Variants in KIF1C observed in about 807,000 individuals in gnomAD.
The protein encoded by KIF1C is kinesin-like protein KIF1C.
A neutral mutation model predicts 126.5 loss-of-function variants in KIF1C; 61 were observed. The ratio of observed to expected loss-of-function variants is 0.48; its 90% CI spans 0.39 to 0.60. KIF1C has a LOEUF of 0.60. KIF1C is among the 20% of genes least tolerant of loss of function. The probability of loss-of-function intolerance (pLI) is 0.00; values close to 1 mark genes in which losing one functional copy is unlikely to be tolerated. For missense variants in KIF1C, 1,315 were observed against 1,489.2 expected (o/e 0.88, Z 1.93); for synonymous variants, 640 against 580.6 (o/e 1.10, Z -1.47).
chr17:5,009,319 A>G (rs1042267845), intron 16 of KIF1C, among the ~76,000 whole-genome samples: 1 of 151,976 alleles, frequency 6.6e-6, no homozygotes, highest in African/African-American at 2.4e-5. Flanking sequence ...AGCTGGGATT[A>G]CAGGCGCACA....
Position 5,002,886 on chromosome 17 carries a change from CCCTG to C in KIF1C, c.720+45_720+48del, listed in dbSNP as rs756345546. ...CCACTCCCCCACCGGATGCAACCTC[CCCTG>C]GCAACAGGGACAGTGACATGGTAGA... is the stretch of plus-strand genomic sequence containing the variant. On this transcript the variant is annotated intron_variant, in intron 8 of 22. Coordinates refer to ENST00000320785, the MANE Select transcript of KIF1C (RefSeq NM_006612.6). The C allele has an allele frequency of 9.4e-6, 14 of 1,481,798 alleles. No homozygotes were observed. The South Asian group carries it at 1.6e-4, about 17-fold the overall frequency. 91.8% of individuals were successfully genotyped at this position (1,481,798 alleles called of 1,614,324 possible).
chr17:5,014,705 T>C (rs1351986728), intron 17 of KIF1C, 38 bp from the exon 18 acceptor site: 1 of 1,482,006 alleles, frequency 6.7e-7, no homozygotes, highest in Non-Finnish European at 9.3e-7. Context: ...GGTTAAAGTC[T>C]GGCACATGCT....
In KIF1C at chr17:5,023,645, C is replaced by T. The variant is rs745563559; in HGVS notation, c.2806C>T (p.Arg936Cys). The T allele has an allele frequency of 1.9e-6, 3 of 1,612,864 alleles. No homozygotes were observed. Among genetic ancestry groups the T allele is most frequent in the Non-Finnish European group, 2.5e-6 (3 of 1,179,486 alleles). ...RLMEEDPAFR[R>C]GRLRWLKQEQ... is the part of the protein sequence containing the mutation. Reference sequence around the variant, plus strand: ...CATGGAGGAGGACCCTGCCTTCCGTCGTGGTCGTCTTCGCTGGCTCAAGCA... The same window carrying T: ...CATGGAGGAGGACCCTGCCTTCCGTTGTGGTCGTCTTCGCTGGCTCAAGCA... Residue 936 changes from arginine (R) to cysteine (C), a missense_variant, in exon 23 of 23, where the codon CGT (arginine) becomes TGT (cysteine). Arg to Cys is a radical substitution (Grantham distance 180). Around this residue, in one of 2 missense-constraint regions of KIF1C, gnomAD observed 441 missense variants for 436.1 expected, o/e 1.01. Transcript: ENST00000320785. The surrounding 1 kb of genome is among the most constrained non-coding windows in gnomAD (Gnocchi z 4.2).
intron 6 of KIF1C, 51 bp downstream of exon 6, chr17:5,002,175 G>A (rs1478268257): frequency 6.6e-7 from 1 of 1,521,304 alleles, no homozygotes; most frequent in South Asian, 1.1e-5. Context: ...ACTGCTGAGG[G>A]CTGTCGCTGG....
chr17:5,023,740 C>G lies in KIF1C; in HGVS notation c.2901C>G (p.Ala967=), dbSNP rs762359132. ...GRGGGLRRPP[A]RFVPPHDCKL... ...GCGGGGGGCTGCGCAGGCCCCCAGC[C>G]CGCTTTGTGCCCCCTCACGACTGCA... Residue 967 remains alanine, a synonymous_variant, in exon 23 of 23, where the codon GCC becomes GCG. Coordinates refer to ENST00000320785, the MANE Select transcript of KIF1C (RefSeq NM_006612.6). The surrounding 1 kb of genome is among the most constrained non-coding windows in gnomAD (Gnocchi z 4.2). The G allele has an allele frequency of 2.0e-6, 3 of 1,524,524 alleles. No homozygotes were observed. Among genetic ancestry groups the G allele is most frequent in the South Asian group, 2.6e-5 (2 of 76,610 alleles). 94.4% of individuals were successfully genotyped at this position (1,524,524 alleles called of 1,614,324 possible). A position where few individuals can be genotyped will look rare whatever the true frequency, so the allele number is the denominator to read the frequency against.
At chr17:5,018,114 G>A (rs761304172) in intron 18 of KIF1C, among the ~76,000 whole-genome samples, 31 of 151,946 alleles carry the variant, frequency 2.0e-4, no homozygotes, top group Non-Finnish European at 3.4e-4. Context: ...CTGAGTAGCT[G>A]GGACTACAGA....
At position 5,025,230 on chromosome 17, in the gene KIF1C, G is replaced by C. The variant is rs1567730626; in HGVS notation, c.*1079G>C. ...CTCAGTCTGTGCCAGCAGCACCACT[G>C]TCTGTTATGGACAAAGCACAGAAGC... On this transcript the variant is annotated 3_prime_UTR_variant, in exon 23 of 23. Coordinates refer to ENST00000320785, the MANE Select transcript of KIF1C (RefSeq NM_006612.6). 1 of 152,368 alleles carries C rather than the reference G, an allele frequency of 6.6e-6. No individual in the cohort carries two copies. Among genetic ancestry groups the C allele is most frequent in the Non-Finnish European group, 1.5e-5 (1 of 68,156 alleles). The allele number at this position is 152,368 out of a possible 1,614,324, so 9.4% of individuals were successfully genotyped here. A position where few individuals can be genotyped will look rare whatever the true frequency, so the allele number is the denominator to read the frequency against.
chr17:5,006,814 C>T, intron 13 of KIF1C, 101 bp from the exon 14 acceptor site: 1 of 1,222,156 alleles, frequency 8.2e-7, no homozygotes, highest in South Asian at 1.3e-5. Flanking sequence ...CTTCTGTAGT[C>T]CTTACAGACT....
intron 8 of KIF1C, 98 bp from the exon 9 acceptor site, chr17:5,003,514 C>A: frequency 1.3e-6 from 1 of 795,714 alleles, no homozygotes; most frequent in Non-Finnish European, 2.1e-6. Flanking sequence ...TCTCTCTAGC[C>A]CTTGCCAGCT....
intron 21 of KIF1C, 121 bp from the exon 22 acceptor site, chr17:5,021,971 A>G: frequency 9.1e-7 from 1 of 1,096,032 alleles, no homozygotes; most frequent in African/African-American, 1.6e-5. Context: ...GGGGTGGAGC[A>G]GGACTTGAAC....
intron 16 of KIF1C, among the ~76,000 whole-genome samples, chr17:5,009,821 A>T (rs1974821556): frequency 6.6e-6 from 1 of 151,828 alleles, no homozygotes; most frequent in Non-Finnish European, 1.5e-5. Flanking sequence ...TCTCCTAGAG[A>T]TGCTGTCTAG....
Position 5,007,093 on chromosome 17 carries a change from C to T in KIF1C, c.1335+9C>T, listed in dbSNP as rs1974752023. The T allele has an allele frequency of 6.3e-7, 1 of 1,582,060 alleles. No individual in the cohort carries two copies. The highest frequency in any genetic ancestry group is 1.4e-5 in the African/African-American group (1 of 72,988). On this transcript the variant is annotated intron_variant, in intron 14 of 22. Transcript: ENST00000320785. ...CCATGGAGAGGCTGCAGGTGGGAAG[C>T]TGGAGCTGGCAAGGGCTGGGGGTCT...
rs779006452 is a variant in KIF1C, at chr17:5,023,504, C to T, written c.2665C>T (p.Pro889Ser). The T allele has an allele frequency of 4.3e-6, 7 of 1,614,060 alleles. No individual in the cohort carries two copies. In the East Asian group the frequency reaches 1.3e-4, roughly 31 times the overall value. ...EDENEEGGEV[P>S]WAPPEGSEAA... The stretch of plus-strand genomic sequence containing the variant: ...TGAGAATGAAGAAGGTGGTGAGGTC[C>T]CCTGGGCCCCGCCTGAAGGATCAGA... Residue 889 changes from proline (P) to serine (S), a missense_variant, in exon 23 of 23, where the codon CCC (proline) becomes TCC (serine). Pro to Ser is a moderately conservative substitution (Grantham distance 74). Around this residue, in one of 2 missense-constraint regions of KIF1C, gnomAD observed 441 missense variants for 436.1 expected, o/e 1.01. Coordinates refer to ENST00000320785, the MANE Select transcript of KIF1C (RefSeq NM_006612.6). This position sits in a 1 kb window ranked among gnomAD's most constrained non-coding sequence, Gnocchi z 4.2.
chr17:4,998,588 G>C (rs913868629), intron 1 of KIF1C, among the ~76,000 whole-genome samples: 5 of 152,188 alleles, frequency 3.3e-5, no homozygotes, highest in African/African-American at 1.2e-4. Flanking sequence ...CAGCAACGGC[G>C]TCACCATCGC....
At chr17:5,002,927 C>T (rs141532490) in intron 8 of KIF1C, 85 bp downstream of exon 8, 5 of 1,074,306 alleles carry the variant, frequency 4.7e-6, no homozygotes, top group African/African-American at 1.6e-5. Flanking sequence ...GGGTCTTGGG[C>T]CCTCCCTGCC....
chr17:5,022,541 C>T lies in KIF1C; in HGVS notation c.2460C>T (p.Gly820=), dbSNP rs1009611863. The T allele has an allele frequency of 1.3e-6, 2 of 1,587,572 alleles. No individual in the cohort carries two copies. The highest frequency in any genetic ancestry group is 1.3e-5 in the African/African-American group (1 of 74,470). ...GAGGTGGAGCTGGCAGTGGTGGTGG[C>T]AGTGAGGAGGGAGCCCGAGGGGCGG... ...EEGGGAGSGG[G]SEEGARGAEV... Residue 820 remains glycine (G), a synonymous_variant, in exon 22 of 23, where the codon GGC becomes GGT. Coordinates refer to ENST00000320785, the MANE Select transcript of KIF1C (RefSeq NM_006612.6). This position sits in a 1 kb window ranked among gnomAD's most constrained non-coding sequence, Gnocchi z 4.9.
chr17:5,016,195 TG>T (rs1974968508), intron 18 of KIF1C, among the ~76,000 whole-genome samples: 1 of 151,202 alleles, frequency 6.6e-6, no homozygotes, highest in Admixed American at 6.6e-5. Context: ...TGGAGTGCAG[TG>T]GTGCGATCTC....
At position 5,020,939 on chromosome 17, in the gene KIF1C, G is replaced by T; in HGVS notation, c.2010+61G>T. ...GCAGATGAGCCGCAAGCCTGAGTCC[G>T]AGTGCAGTGCTCACCGCTGAGCCAG... is the stretch of plus-strand genomic sequence containing the variant. On this transcript the variant is annotated intron_variant, in intron 21 of 22. Transcript: ENST00000320785. The surrounding 1 kb of genome is among the most constrained non-coding windows in gnomAD (Gnocchi z 5.8). 7.0e-7 allele frequency: 1 copy of T among 1,428,410 alleles called. No individual in the cohort carries two copies. The highest frequency in any genetic ancestry group is 2.5e-5 in the East Asian group (1 of 40,520). The allele number at this position is 1,428,410 out of a possible 1,614,324, so 88.5% of individuals were successfully genotyped here.
intron 13 of KIF1C, among the ~76,000 whole-genome samples, chr17:5,006,224 CAG>C (rs1291080727): frequency 6.6e-6 from 1 of 151,854 alleles, no homozygotes; most frequent in Non-Finnish European, 1.5e-5. Context: ...AAGTTCGACA[CAG>C]AGGTTTCTAG....
Sources: gnomAD v4.1 joint callset for allele counts (sites outside exome capture counted in the v4.1 genomes callset) on GRCh38, gnomAD v4.1.1 for gene constraint, gnomAD v4.1.1 regional missense constraint, Gnocchi (gnomAD v3.1) non-coding constraint, MANE v1.5 for transcripts, NCBI Gene and HGNC (gene_info 2026-07-23, HGNC 2026-07-21) for gene names.